The following NLGN1 variants were observed in gnomAD, a reference collection of about 807,000 sequenced individuals.
NLGN1 encodes the protein neuroligin 1.
NLGN1 carries 12 observed loss-of-function variants against 65.5 expected under a neutral mutation model. The ratio of observed to expected loss-of-function variants is 0.18; its 90% CI spans 0.12 to 0.30. The LOEUF (loss-of-function observed/expected upper bound fraction) is 0.30. NLGN1 is among the 10% of genes least tolerant of loss of function. NLGN1 has a pLI of 1.00. For synonymous variants in NLGN1, 350 were observed against 359.5 expected (o/e 0.97, Z 0.30); for missense variants, 750 against 1,007.1 (o/e 0.74, Z 3.46).
intron 3 of NLGN1, among the ~76,000 whole-genome samples, chr3:173,723,447 CTCTGTT>C (rs1336808457): frequency 2.6e-5 from 4 of 152,038 alleles, no homozygotes; most frequent in Non-Finnish European, 5.9e-5. Flanking sequence ...GCTGGTCTGC[CTCTGTT>C]TCTTTTTACA....
chr3:173,605,732 AAT>A, intron 3 of NLGN1, 139 bp downstream of exon 3: 2 of 403,830 alleles, frequency 5.0e-6, no homozygotes, highest in Non-Finnish European at 9.5e-6. Context: ...GCTGTCAAGG[AAT>A]ATAAAGGTGT....
At position 173,668,625 on chromosome 3, in the gene NLGN1, T is replaced by C. The variant is rs1409004716; in HGVS notation, c.493+63534T>C. The stretch of plus-strand genomic sequence containing the variant: ...TTCTTTTTACTTTTCTTTTCTTTTT[T>C]TTTTTTTTTTTTAAGACAGAGTCTC... On this transcript the variant is annotated intron_variant, in intron 3 of 6. Coordinates refer to ENST00000457714, the Ensembl canonical transcript of NLGN1. 4.0e-5 allele frequency among the ~76,000 whole-genome samples: 6 copies of C among 150,598 alleles called. No homozygotes were observed. The South Asian group carries it at 6.3e-4, about 16-fold the overall frequency.
chr3:173,779,942 T>A (rs1257561878), intron 3 of NLGN1, among the ~76,000 whole-genome samples: 3 of 152,206 alleles, frequency 2.0e-5, no homozygotes, highest in African/African-American at 7.2e-5. Flanking sequence ...CAACTTCCTT[T>A]ATCCCTTTTT....
At chr3:174,268,303 G>T (rs765523891) in intron 4 of NLGN1, among the ~76,000 whole-genome samples, 4 of 152,128 alleles carry the variant, frequency 2.6e-5, no homozygotes, top group Non-Finnish European at 4.4e-5. Context: ...TACCAGGTTT[G>T]TTGTCCAGAT....
chr3:174,070,069 T>C (rs1403876528), intron 4 of NLGN1, among the ~76,000 whole-genome samples: 1 of 152,194 alleles, frequency 6.6e-6, no homozygotes, highest in African/African-American at 2.4e-5. Context: ...TCGCTGTTCT[T>C]ATGGTGACGA....
intron 2 of NLGN1, among the ~76,000 whole-genome samples, chr3:173,540,667 A>G (rs1340634973): frequency 6.6e-6 from 1 of 152,140 alleles, no homozygotes; most frequent in Admixed American, 6.5e-5. Context: ...GAGAACAGGG[A>G]ATGTTTGGTG....
intron 3 of NLGN1, among the ~76,000 whole-genome samples, chr3:173,651,177 G>A (rs985242622): frequency 6.6e-6 from 1 of 151,836 alleles, no homozygotes; most frequent in South Asian, 2.1e-4. Flanking sequence ...AGGTGGGAAT[G>A]GGTAGTGTTT....
At chr3:173,761,227 G>A (rs1777925035) in intron 3 of NLGN1, among the ~76,000 whole-genome samples, 2 of 152,036 alleles carry the variant, frequency 1.3e-5, no homozygotes. Context: ...CTGAGATGCA[G>A]TTCTTGTGTC....
chr3:173,941,292 A>C (rs540239638), intron 4 of NLGN1, among the ~76,000 whole-genome samples: 3 of 152,054 alleles, frequency 2.0e-5, no homozygotes, highest in Non-Finnish European at 4.4e-5. Flanking sequence ...TCATTTTCAC[A>C]ACACGTGACA....
intron 3 of NLGN1, among the ~76,000 whole-genome samples, chr3:173,773,162 T>C (rs1203162086): frequency 6.6e-6 from 1 of 152,126 alleles, no homozygotes; most frequent in East Asian, 1.9e-4. Context: ...TTCCCCACTG[T>C]GCTCAAAGAG....
chr3:173,567,148 A>G (rs780548916), intron 2 of NLGN1, among the ~76,000 whole-genome samples: 1 of 152,090 alleles, frequency 6.6e-6, no homozygotes, highest in African/African-American at 2.4e-5. Context: ...GAATTATTTT[A>G]TGTGTGTGTG....
chr3:174,004,686 G>GA (rs1415625862), intron 4 of NLGN1, among the ~76,000 whole-genome samples: 5 of 152,036 alleles, frequency 3.3e-5, no homozygotes, highest in Non-Finnish European at 5.9e-5. Context: ...TAAGCAATTG[G>GA]AAAAACAATA....
intron 4 of NLGN1, among the ~76,000 whole-genome samples, chr3:173,940,254 A>G (rs1001506487): frequency 2.0e-5 from 3 of 151,684 alleles, no homozygotes; most frequent in Admixed American, 1.3e-4. Flanking sequence ...ACGCCCAGCT[A>G]ATTTTTGTAT....
At position 174,025,579 on chromosome 3, in the gene NLGN1, G is replaced by A. The variant is rs959376718; in HGVS notation, c.646+217747G>A. Among the ~76,000 whole-genome samples, 7 of 152,050 alleles carry A rather than the reference G, an allele frequency of 4.6e-5. No individual in the cohort carries two copies. In the East Asian group the frequency reaches 1.2e-3, roughly 25 times the overall value. Reference sequence around the variant, plus strand: ...TGAAATTAAGGATGCAGAAAGTTAAGCCCAAATGGATGACAAGCATATAAT... The same window carrying A: ...TGAAATTAAGGATGCAGAAAGTTAAACCCAAATGGATGACAAGCATATAAT... On this transcript the variant is annotated intron_variant, in intron 4 of 6. Transcript: ENST00000457714.
chr3:174,022,243 T>C (rs541221004), intron 4 of NLGN1, among the ~76,000 whole-genome samples: 3 of 152,294 alleles, frequency 2.0e-5, no homozygotes, highest in Non-Finnish European at 4.4e-5. Context: ...GCTGCTTCTT[T>C]TGCTTATTCA....
At chr3:173,562,345 G>A (rs1329192086) in intron 2 of NLGN1, among the ~76,000 whole-genome samples, 1 of 152,174 alleles carries the variant, frequency 6.6e-6, no homozygotes, top group African/African-American at 2.4e-5. Flanking sequence ...AAGGTGAGCG[G>A]ATCATGAGAT....
At chr3:174,160,813 C>T (rs1486194903) in intron 4 of NLGN1, among the ~76,000 whole-genome samples, 1 of 151,314 alleles carries the variant, frequency 6.6e-6, no homozygotes, top group Non-Finnish European at 1.5e-5. Context: ...TTTAAATTGT[C>T]CAATTATATT....
chr3:174,109,271 A>G (rs1354473636), intron 4 of NLGN1, among the ~76,000 whole-genome samples: 2 of 152,054 alleles, frequency 1.3e-5, no homozygotes, highest in Non-Finnish European at 2.9e-5. Context: ...TTTTTAAATA[A>G]TAAGTTCCTT....
chr3:173,843,372 G>T (rs1358566669), intron 4 of NLGN1, among the ~76,000 whole-genome samples: 1 of 152,212 alleles, frequency 6.6e-6, no homozygotes, highest in Non-Finnish European at 1.5e-5. Context: ...AATTTCTGCA[G>T]CAGGCATGAA....
Sources: allele counts gnomAD v4.1 joint callset (sites outside exome capture counted in the v4.1 genomes callset), GRCh38; gene constraint gnomAD v4.1.1; transcripts MANE v1.5; gene names NCBI Gene and HGNC (gene_info 2026-07-23, HGNC 2026-07-21).